MAML2: variants seen among roughly 807,000 people sequenced by gnomAD.
The protein encoded by MAML2 is mastermind like transcriptional coactivator 2.
In MAML2, 22 loss-of-function variants were observed where a neutral mutation model predicts 96.1. That is an observed-to-expected ratio of 0.23 (90% CI 0.16 to 0.33). MAML2 has a LOEUF of 0.33. Among genes scored for constraint, MAML2 ranks in the 10% least tolerant of loss-of-function variants. MAML2 has a pLI of 1.00. For synonymous variants in MAML2, 561 were observed against 521.3 expected (o/e 1.08, Z -1.04); for missense variants, 1,367 against 1,392.4 (o/e 0.98, Z 0.29).
chr11:95,985,695 T>C lies in MAML2; in HGVS notation c.2344-53A>G, dbSNP rs1857814493. 4 of 1,184,196 alleles carry C rather than the reference T, an allele frequency of 3.4e-6. No homozygotes were observed. In the East Asian group the frequency reaches 9.9e-5, roughly 29 times the overall value. The allele number at this position is 1,184,196 out of a possible 1,614,324, so 73.4% of individuals were successfully genotyped here. On this transcript the variant is annotated intron_variant, in intron 3 of 4. Coordinates refer to ENST00000524717, the MANE Select transcript of MAML2 (RefSeq NM_032427.4). ...TGTTGCATCATTCCCTTTTCACTTG[T>C]GAAAATACATGTAAAATTTTGTAAA...
At chr11:96,212,466 GA>G (rs1340341235) in intron 1 of MAML2, among the ~76,000 whole-genome samples, 1 of 152,160 alleles carries the variant, frequency 6.6e-6, no homozygotes, top group Non-Finnish European at 1.5e-5. Flanking sequence ...AGGCAATCTG[GA>G]AGGCAAAGTA....
intron 1 of MAML2, among the ~76,000 whole-genome samples, chr11:96,178,105 T>TG (rs767625750): frequency 1.3e-5 from 2 of 151,690 alleles, no homozygotes; most frequent in East Asian, 1.9e-4. Context: ...CTTTTTTTTT[T>TG]GCTGACACAG....
intron 1 of MAML2, among the ~76,000 whole-genome samples, chr11:96,257,008 A>G (rs1862677662): frequency 6.6e-6 from 1 of 152,240 alleles, no homozygotes; most frequent in African/African-American, 2.4e-5. Flanking sequence ...GACAGGAACT[A>G]TATTGAAAAC....
chr11:96,170,808 G>A (rs867919193), intron 1 of MAML2, among the ~76,000 whole-genome samples: 5 of 152,060 alleles, frequency 3.3e-5, no homozygotes, highest in Admixed American at 6.5e-5. Flanking sequence ...TCCGCCTCCC[G>A]GGTTCACGCC....
chr11:96,003,073 G>C lies in MAML2; in HGVS notation c.2140-11350C>G, dbSNP rs570848029. Among the ~76,000 whole-genome samples the C allele has an allele frequency of 4.0e-5, 6 of 150,262 alleles. No individual in the cohort carries two copies. In the South Asian group the frequency reaches 1.3e-3, roughly 32 times the overall value. On this transcript the variant is annotated intron_variant, in intron 2 of 4. Transcript: ENST00000524717. ...GGATGATGAACATGATGATGGGGAT[G>C]ATGAGGAGGATGATGGGGATGATGA...
At chr11:96,062,855 G>A (rs539350017) in intron 2 of MAML2, among the ~76,000 whole-genome samples, 27 of 152,080 alleles carry the variant, frequency 1.8e-4, no homozygotes, top group African/African-American at 5.1e-4. Context: ...AACTTCTGCC[G>A]CCATGAGATT....
At chr11:96,228,657 G>C (rs1193473000) in intron 1 of MAML2, among the ~76,000 whole-genome samples, 1 of 152,174 alleles carries the variant, frequency 6.6e-6, no homozygotes, top group African/African-American at 2.4e-5. Flanking sequence ...TCAAGGACAG[G>C]GTTTCCTTGC....
intron 2 of MAML2, among the ~76,000 whole-genome samples, chr11:96,045,421 T>G (rs532244989): frequency 6.6e-6 from 1 of 152,304 alleles, no homozygotes; most frequent in South Asian, 2.1e-4. Flanking sequence ...TTTCCTCATC[T>G]GTGAGATTAA....
chr11:96,141,066 T>C (rs1247057742), intron 1 of MAML2, among the ~76,000 whole-genome samples: 1 of 152,194 alleles, frequency 6.6e-6, no homozygotes, highest in East Asian at 1.9e-4. Context: ...ACCATACTGT[T>C]GACCATATCT....
At chr11:96,150,595 G>A (rs1394819501) in intron 1 of MAML2, among the ~76,000 whole-genome samples, 1 of 152,166 alleles carries the variant, frequency 6.6e-6, no homozygotes, top group Non-Finnish European at 1.5e-5. Flanking sequence ...CAGAGAGTTA[G>A]GGCAGGGACA....
intron 1 of MAML2, among the ~76,000 whole-genome samples, chr11:96,313,455 C>T (rs961095683): frequency 2.6e-5 from 4 of 152,194 alleles, no homozygotes; most frequent in Non-Finnish European, 5.9e-5. Flanking sequence ...ACTCCTTTCC[C>T]ACCATGCCAA....
intron 1 of MAML2, among the ~76,000 whole-genome samples, chr11:96,182,949 T>C (rs961377791): frequency 3.8e-5 from 5 of 132,910 alleles, no homozygotes; most frequent in African/African-American, 1.1e-4. Flanking sequence ...TTGGACATCC[T>C]TTCTTTTCTT....
At chr11:96,189,507 A>G (rs995229195) in intron 1 of MAML2, among the ~76,000 whole-genome samples, 6 of 152,360 alleles carry the variant, frequency 3.9e-5, no homozygotes, top group African/African-American at 1.2e-4. Flanking sequence ...GTCTCTTACC[A>G]CTATGACTAA....
At chr11:96,112,054 G>A (rs1293082239) in intron 1 of MAML2, among the ~76,000 whole-genome samples, 2 of 152,070 alleles carry the variant, frequency 1.3e-5, no homozygotes, top group South Asian at 2.1e-4. Flanking sequence ...CTTGTGCCAC[G>A]TGGAAGGCCA....
chr11:96,338,555 G>A (rs961558946), intron 1 of MAML2, among the ~76,000 whole-genome samples: 2 of 152,216 alleles, frequency 1.3e-5, no homozygotes, highest in African/African-American at 4.8e-5. Context: ...CCAAACAGAA[G>A]TTGTCCTTTC....
intron 1 of MAML2, among the ~76,000 whole-genome samples, chr11:96,105,466 GT>G (rs1357259965): frequency 2.0e-5 from 3 of 152,012 alleles, no homozygotes; most frequent in Non-Finnish European, 4.4e-5. Flanking sequence ...CACAGGTAGG[GT>G]GATCAGACAT....
At chr11:96,256,122 C>T (rs1862665005) in intron 1 of MAML2, among the ~76,000 whole-genome samples, 2 of 152,102 alleles carry the variant, frequency 1.3e-5, no homozygotes, top group South Asian at 2.1e-4. Flanking sequence ...GATCCACCCG[C>T]CTCGGCCTCC....
chr11:96,103,420 A>T (rs10831481), intron 1 of MAML2, among the ~76,000 whole-genome samples: 32,887 of 152,158 alleles, frequency 0.22, 3,848 homozygotes, highest in Middle Eastern at 0.34. Context: ...GATTCTTAGC[A>T]ACTCTTTGTC....
At chr11:96,311,837 T>C (rs1863546388) in intron 1 of MAML2, among the ~76,000 whole-genome samples, 1 of 152,198 alleles carries the variant, frequency 6.6e-6, no homozygotes, top group Admixed American at 6.5e-5. Context: ...AAGGCTTTTT[T>C]CCAATGGTGT....
Sources: gnomAD v4.1 joint callset for allele counts (sites outside exome capture counted in the v4.1 genomes callset) on GRCh38, gnomAD v4.1.1 for gene constraint, MANE v1.5 for transcripts, NCBI Gene and HGNC (gene_info 2026-07-23, HGNC 2026-07-21) for gene names.